CDK15: variants seen among roughly 807,000 people sequenced by gnomAD.
CDK15 encodes the protein cyclin-dependent kinase 15.
A neutral mutation model predicts 60.3 loss-of-function variants in CDK15; 62 were observed. That is an observed-to-expected ratio of 1.03 (90% CI 0.84 to 1.27). CDK15 has a LOEUF of 1.27. Among genes scored for constraint, CDK15 ranks in the 50% most tolerant of loss-of-function variants. CDK15 has a pLI of 0.00. For missense variants in CDK15, 541 were observed against 527.8 expected (o/e 1.03, Z -0.25); for synonymous variants, 194 against 195.7 (o/e 0.99, Z 0.07).
chr2:201,884,026 T>G (rs769773340), intron 12 of CDK15, among the ~76,000 whole-genome samples: 1 of 152,250 alleles, frequency 6.6e-6, no homozygotes, highest in Non-Finnish European at 1.5e-5. Context: ...CTTCCAAATG[T>G]TACCCTTGGA....
At chr2:201,815,364 C>T (rs17385193) in intron 4 of CDK15, among the ~76,000 whole-genome samples, 6,253 of 152,170 alleles carry the variant, frequency 0.041, 160 homozygotes, top group African/African-American at 0.078. Context: ...AGGCTTTCTA[C>T]GCACCCACTG....
Position 201,837,325 on chromosome 2 carries a change from A to AGAG in CDK15, c.851+1562_851+1563insGAG, listed in dbSNP as rs1559127216. ...AAACAGAGAGAGAGAGAGAGAGAGA[A>AGAG]AGAAAGGAAAAGAGAAGGAGAGGGA... On this transcript the variant is annotated intron_variant, in intron 8 of 13. Transcript: ENST00000652192. 2.4e-3 allele frequency among the ~76,000 whole-genome samples: 160 copies of AGAG among 65,978 alleles called. 3 individuals carry two copies. The highest frequency in any genetic ancestry group is 5.6e-3 in the African/African-American group (141 of 25,066). 43.3% of individuals were successfully genotyped at this position (65,978 alleles called of 152,430 possible). A position where few individuals can be genotyped will look rare whatever the true frequency, so the allele number is the denominator to read the frequency against.
chr2:201,860,683 G>GC, intron 10 of CDK15: 6 of 1,350,588 alleles, frequency 4.4e-6, no homozygotes, highest in Non-Finnish European at 5.9e-6. Flanking sequence ...TAAGCGACAG[G>GC]CCAAGGGATG....
chr2:201,830,469 A>G (rs748552547), intron 6 of CDK15, among the ~76,000 whole-genome samples: 1 of 152,364 alleles, frequency 6.6e-6, no homozygotes, highest in East Asian at 1.9e-4. Context: ...GAATGACACA[A>G]TCGTTGCAAA....
chr2:201,872,436 G>C (rs1027416643), intron 11 of CDK15, 110 bp downstream of exon 11: 1 of 1,152,218 alleles, frequency 8.7e-7, no homozygotes, highest in South Asian at 1.3e-5. Flanking sequence ...CTTCCATGTG[G>C]GGGCTCTAAG....
At chr2:201,808,523 T>C (rs1695614419) in intron 3 of CDK15, among the ~76,000 whole-genome samples, 1 of 152,228 alleles carries the variant, frequency 6.6e-6, no homozygotes, top group Non-Finnish European at 1.5e-5. Context: ...AGTACTAATT[T>C]TGGTAAACAA....
intron 8 of CDK15, among the ~76,000 whole-genome samples, 199 bp downstream of exon 8, chr2:201,835,962 ATATT>A (rs377285816): frequency 0.059 from 6,434 of 109,230 alleles, 281 homozygotes; most frequent in East Asian, 0.26. Flanking sequence ...ATATTTGTAT[ATATT>A]TATATATTTA....
chr2:201,871,106 A>G (rs907108661), intron 10 of CDK15, among the ~76,000 whole-genome samples: 7 of 152,016 alleles, frequency 4.6e-5, no homozygotes, highest in African/African-American at 1.7e-4. Context: ...TTCCATTTTT[A>G]CCACAAGTGA....
chr2:201,807,790 A>G, intron 2 of CDK15, 68 bp from the exon 3 acceptor site: 4 of 1,556,290 alleles, frequency 2.6e-6, no homozygotes, highest in Middle Eastern at 1.7e-4. Context: ...AAAAAAGTCA[A>G]CACTAAAAAA....
intron 12 of CDK15, among the ~76,000 whole-genome samples, chr2:201,890,027 C>T (rs62195491): frequency 6.7e-6 from 1 of 149,308 alleles, no homozygotes; most frequent in Admixed American, 6.7e-5. Context: ...CCAGCCTGGG[C>T]CACAGAGTGA....
intron 8 of CDK15, among the ~76,000 whole-genome samples, chr2:201,839,511 G>C (rs750236948): frequency 2.6e-5 from 4 of 152,000 alleles, no homozygotes; most frequent in Non-Finnish European, 5.9e-5. Context: ...ATTAGATAGG[G>C]GTATTGGATG....
intron 12 of CDK15, among the ~76,000 whole-genome samples, chr2:201,883,280 CTAAA>C (rs780056671): frequency 1.3e-5 from 2 of 152,096 alleles, no homozygotes; most frequent in Non-Finnish European, 2.9e-5. Context: ...TGTCTGCCCT[CTAAA>C]GAAGACAATT....
intron 10 of CDK15, among the ~76,000 whole-genome samples, chr2:201,866,905 C>T (rs976083853): frequency 2.6e-5 from 4 of 152,162 alleles, no homozygotes; most frequent in African/African-American, 7.2e-5. Flanking sequence ...CTGACCCGGA[C>T]ACATCCATTC....
chr2:201,880,848 G>C (rs1300279188), intron 12 of CDK15, among the ~76,000 whole-genome samples: 5 of 147,220 alleles, frequency 3.4e-5, no homozygotes, highest in African/African-American at 5.1e-5. Flanking sequence ...AGTGGTCATG[G>C]GGGACTATCC....
chr2:201,883,960 G>C (rs1699369639), intron 12 of CDK15, among the ~76,000 whole-genome samples: 1 of 152,208 alleles, frequency 6.6e-6, no homozygotes, highest in South Asian at 2.1e-4. Context: ...GGGGTAGTAG[G>C]AAATCATTAA....
At chr2:201,888,131 C>G (rs532895133) in intron 12 of CDK15, among the ~76,000 whole-genome samples, 1 of 151,520 alleles carries the variant, frequency 6.6e-6, no homozygotes, top group Non-Finnish European at 1.5e-5. Context: ...GTTATTTAGC[C>G]CCTCAATCCC....
In CDK15 at chr2:201,882,606, G is replaced by T. The variant is rs1264596140; in HGVS notation, c.1198+2439G>T. Among the ~76,000 whole-genome samples, 1 of 150,868 alleles carries T rather than the reference G, an allele frequency of 6.6e-6. No individual in the cohort carries two copies. The highest frequency in any genetic ancestry group is 6.6e-5 in the Admixed American group (1 of 15,128). On this transcript the variant is annotated intron_variant, in intron 12 of 13. Transcript: ENST00000652192. This position sits in a 1 kb window ranked among gnomAD's most constrained non-coding sequence, Gnocchi z 4.0. ...GAAGATGAAAGCGCCGGTGCCAAGAGACAGGGAAAGGCGGGGGCAAGATTG... is the reference window on the plus strand; with the variant it reads ...GAAGATGAAAGCGCCGGTGCCAAGATACAGGGAAAGGCGGGGGCAAGATTG...
At chr2:201,854,361 A>C (rs894119371) in intron 9 of CDK15, among the ~76,000 whole-genome samples, 2 of 152,218 alleles carry the variant, frequency 1.3e-5, no homozygotes, top group African/African-American at 4.8e-5. Flanking sequence ...TTTAGCCAAC[A>C]TTCCATTGCC....
chr2:201,859,220 C>T (rs1698279078), intron 10 of CDK15, among the ~76,000 whole-genome samples: 1 of 152,090 alleles, frequency 6.6e-6, no homozygotes. Context: ...CAATGGATGC[C>T]GTAGCTAGAA....
Sources: gnomAD v4.1 joint callset for allele counts (sites outside exome capture counted in the v4.1 genomes callset) on GRCh38, gnomAD v4.1.1 for gene constraint, Gnocchi (gnomAD v3.1) non-coding constraint, MANE v1.5 for transcripts, NCBI Gene and HGNC (gene_info 2026-07-23, HGNC 2026-07-21) for gene names.